The following ALOX5AP variants were observed in gnomAD, a reference collection of about 807,000 sequenced individuals.
The protein encoded by ALOX5AP is arachidonate 5-lipoxygenase-activating protein.
Under a neutral mutation model 18.5 loss-of-function variants are expected in ALOX5AP, and 9 were observed. That is an observed-to-expected ratio of 0.49 (90% CI 0.29 to 0.85). The LOEUF is 0.85. Ranked by LOEUF, ALOX5AP falls within the 40% of genes least tolerant of loss-of-function variation. The pLI is 0.08. For synonymous variants in ALOX5AP, 81 were observed against 78.6 expected (o/e 1.03, Z -0.16); for missense variants, 172 against 202.5 (o/e 0.85, Z 0.91).
chr13:30,724,628 C>T (rs1176530962), intron 1 of ALOX5AP, among the ~76,000 whole-genome samples: 3 of 152,178 alleles, frequency 2.0e-5, no homozygotes, highest in Non-Finnish European at 4.4e-5. Flanking sequence ...TGTGTCATTC[C>T]CCAAAGATAA....
rs17239151 is a variant in ALOX5AP, at chr13:30,748,077, T to G, written c.170+3918T>G. ...TGGGATTACAGCATGCACCACCATG[T>G]CCGGCTAATTTTTGTATCTTTAGTA... On this transcript the variant is annotated intron_variant, in intron 2 of 4. Coordinates refer to ENST00000380490, the MANE Select transcript of ALOX5AP (RefSeq NM_001629.4). Among the ~76,000 whole-genome samples the G allele has an allele frequency of 1.7e-3, 264 of 152,120 alleles. 1 individual carries two copies. The highest frequency in any genetic ancestry group is 6.8e-3 in the Middle Eastern group (2 of 294).
intron 3 of ALOX5AP, among the ~76,000 whole-genome samples, chr13:30,754,868 C>T (rs765558004): frequency 6.6e-6 from 1 of 152,250 alleles, no homozygotes; most frequent in Non-Finnish European, 1.5e-5. Context: ...GTGACAGTAA[C>T]ACACTCCTTA....
At chr13:30,718,696 G>T (rs1951569445) in intron 1 of ALOX5AP, among the ~76,000 whole-genome samples, 2 of 152,108 alleles carry the variant, frequency 1.3e-5, no homozygotes, top group African/African-American at 2.4e-5. Context: ...CAAAACATGG[G>T]GTTTACACTG....
intron 1 of ALOX5AP, among the ~76,000 whole-genome samples, chr13:30,737,457 G>A (rs1951730398): frequency 6.6e-6 from 1 of 152,232 alleles, no homozygotes; most frequent in Admixed American, 6.5e-5. Context: ...GTCTTCTTCT[G>A]TGGGACAAGT....
rs969653636 is a variant in ALOX5AP, at chr13:30,743,974, G to T, written c.71-86G>T. On this transcript the variant is annotated intron_variant, in intron 1 of 4. Transcript: ENST00000380490. ...GTTGCTTGGAGGTCAAGTCAAGGAG[G>T]CATTTAACATTCTAGTAAAACAAGG... The T allele has an allele frequency of 9.0e-6, 10 of 1,112,284 alleles. No individual in the cohort carries two copies. The African/African-American group carries it at 9.3e-5, about 10-fold the overall frequency. The allele number at this position is 1,112,284 out of a possible 1,614,324, so 68.9% of individuals were successfully genotyped here.
chr13:30,741,556 ACCCC>A lies in ALOX5AP; in HGVS notation c.71-2501_71-2498del, dbSNP rs71209437. Among the ~76,000 whole-genome samples the A allele has an allele frequency of 8.3e-5, 2 of 24,038 alleles. 1 individual carries two copies. The highest frequency in any genetic ancestry group is 6.2e-3 in the East Asian group (2 of 324). 15.8% of individuals were successfully genotyped at this position (24,038 alleles called of 152,430 possible). A position where few individuals can be genotyped will look rare whatever the true frequency, so the allele number is the denominator to read the frequency against. The stretch of plus-strand genomic sequence containing the variant: ...GGATTACAGGCCCCTCCCCACCCCC[ACCCC>A]CCAACAACTGGCTAATTTTTGTATT... On this transcript the variant is annotated intron_variant, in intron 1 of 4. Coordinates refer to ENST00000380490, the MANE Select transcript of ALOX5AP (RefSeq NM_001629.4).
chr13:30,734,952 G>C (rs565177281), upstream of ALOX5AP, among the ~76,000 whole-genome samples: 1 of 152,134 alleles, frequency 6.6e-6, no homozygotes, highest in East Asian at 1.9e-4. Context: ...ACAGTATTTG[G>C]GGCACAGATC....
intron 3 of ALOX5AP, among the ~76,000 whole-genome samples, chr13:30,753,025 A>G (rs539207741): frequency 4.1e-4 from 62 of 152,170 alleles, no homozygotes; most frequent in Non-Finnish European, 8.4e-4. Flanking sequence ...TTGAAGAGCT[A>G]CTCTGTGCCA....
chr13:30,721,643 A>C (rs1277669523), intron 1 of ALOX5AP, among the ~76,000 whole-genome samples: 1 of 152,132 alleles, frequency 6.6e-6, no homozygotes, highest in African/African-American at 2.4e-5. Context: ...TCCATGCTCC[A>C]CACTGCAGCC....
intron 1 of ALOX5AP, chr13:30,742,690 T>C (rs1034075332): frequency 3.3e-5 from 5 of 152,156 alleles, no homozygotes; most frequent in African/African-American, 4.8e-5. Flanking sequence ...TTTATTCCTA[T>C]ACACAATAAA....
intron 3 of ALOX5AP, among the ~76,000 whole-genome samples, chr13:30,753,065 T>C (rs1160701352): frequency 3.3e-5 from 5 of 152,150 alleles, no homozygotes; most frequent in Non-Finnish European, 4.4e-5. Flanking sequence ...CAGTGATAAA[T>C]AAAGAGTAGC....
chr13:30,714,087 G>T (rs10870639), intron 1 of ALOX5AP, among the ~76,000 whole-genome samples: 79,153 of 151,810 alleles, frequency 0.52, 24,115 homozygotes, highest in Non-Finnish European at 0.7. Flanking sequence ...ATACACTAAA[G>T]GAACTCTCTG....
chr13:30,751,615 G>C (rs1951852209), intron 2 of ALOX5AP, among the ~76,000 whole-genome samples: 1 of 152,188 alleles, frequency 6.6e-6, no homozygotes, highest in Non-Finnish European at 1.5e-5. Context: ...TGCTCAGCCT[G>C]GCTTGCAGAC....
chr13:30,731,585 T>C (rs1951681089), upstream of ALOX5AP, among the ~76,000 whole-genome samples: 1 of 152,126 alleles, frequency 6.6e-6, no homozygotes, highest in Non-Finnish European at 1.5e-5. Flanking sequence ...CCCAGGCTGT[T>C]CTCCAACTCC....
At chr13:30,729,361 A>G (rs917313230) in intron 1 of ALOX5AP, among the ~76,000 whole-genome samples, 4 of 152,160 alleles carry the variant, frequency 2.6e-5, no homozygotes, top group South Asian at 2.1e-4. Context: ...AAGAATGTAC[A>G]GTTGTTCTAG....
intron 1 of ALOX5AP, among the ~76,000 whole-genome samples, chr13:30,730,231 G>A (rs185232106): frequency 6.6e-6 from 1 of 152,352 alleles, no homozygotes; most frequent in East Asian, 1.9e-4. Flanking sequence ...AGAATGGCAT[G>A]AGGATTCATC....
chr13:30,761,984 C>T lies in ALOX5AP; in HGVS notation c.324-1960C>T, dbSNP rs145928831. 9.5e-4 allele frequency among the ~76,000 whole-genome samples: 145 copies of T among 152,242 alleles called. No homozygotes were observed. In the Middle Eastern group the frequency reaches 0.01, roughly 11 times the overall value. On this transcript the variant is annotated intron_variant, in intron 4 of 4. Coordinates refer to ENST00000380490, the MANE Select transcript of ALOX5AP (RefSeq NM_001629.4). ...ACCCTCTTTTGGGATGTTTATTTTCCCCCTTAAGGAGCTAGTTAGGATGTC... is the reference window on the plus strand; with the variant it reads ...ACCCTCTTTTGGGATGTTTATTTTCTCCCTTAAGGAGCTAGTTAGGATGTC...
intron 1 of ALOX5AP, among the ~76,000 whole-genome samples, chr13:30,722,116 G>A (rs1951598760): frequency 6.6e-6 from 1 of 152,226 alleles, no homozygotes; most frequent in Admixed American, 6.5e-5. Flanking sequence ...TAAGATAGAA[G>A]TCGAAGTTGA....
At chr13:30,739,274 C>T (rs1297148775) in intron 1 of ALOX5AP, among the ~76,000 whole-genome samples, 1 of 152,152 alleles carries the variant, frequency 6.6e-6, no homozygotes, top group Non-Finnish European at 1.5e-5. Flanking sequence ...TTGCACTCAC[C>T]CACTCATGCA....
Sources: gnomAD v4.1 joint callset for allele counts (sites outside exome capture counted in the v4.1 genomes callset) on GRCh38, gnomAD v4.1.1 for gene constraint, MANE v1.5 for transcripts, NCBI Gene and HGNC (gene_info 2026-07-23, HGNC 2026-07-21) for gene names.